STX17: variants seen among roughly 807,000 people sequenced by gnomAD.
STX17 encodes the protein syntaxin-17.
Under a neutral mutation model 35.9 loss-of-function variants are expected in STX17, and 29 were observed. The observed-to-expected ratio is 0.81, with a 90% confidence interval of 0.60 to 1.10. The LOEUF (loss-of-function observed/expected upper bound fraction) is 1.10. Among genes scored for constraint, STX17 ranks in the 50% least tolerant of loss-of-function variants. STX17 has a pLI of 0.00. For missense variants in STX17, 312 were observed against 352.3 expected (o/e 0.89, Z 0.92); for synonymous variants, 92 against 118.3 (o/e 0.78, Z 1.44).
chr9:99,968,876 TGAGG>T lies in STX17; in HGVS notation c.*205_*208del, dbSNP rs1360015777. On this transcript the variant is annotated 3_prime_UTR_variant, in exon 8 of 8. Transcript: ENST00000259400. ...ATGTTAAGAGATTGAGGCCCTGGGC[TGAGG>T]GTATATAATGTATGTCAGGTAAAGT... The T allele has an allele frequency of 2.7e-5, 18 of 655,100 alleles. No homozygotes were observed. The highest frequency in any genetic ancestry group is 4.0e-5 in the Non-Finnish European group (17 of 426,594). The allele number at this position is 655,100 out of a possible 1,614,324, so 40.6% of individuals were successfully genotyped here. A position where few individuals can be genotyped will look rare whatever the true frequency, so the allele number is the denominator to read the frequency against.
At chr9:99,951,676 ATC>A (rs1160381060) in intron 4 of STX17, among the ~76,000 whole-genome samples, 1 of 151,896 alleles carries the variant, frequency 6.6e-6, no homozygotes, top group African/African-American at 2.4e-5. Flanking sequence ...TGTTAGATCT[ATC>A]TTTCAGCCAA....
chr9:99,961,874 G>A (rs1302037225), intron 6 of STX17, among the ~76,000 whole-genome samples: 1 of 152,128 alleles, frequency 6.6e-6, no homozygotes, highest in Non-Finnish European at 1.5e-5. Flanking sequence ...CAAGGATATT[G>A]ATACTTAAAC....
At chr9:99,921,941 AG>A (rs1388417857) in intron 2 of STX17, among the ~76,000 whole-genome samples, 7 of 152,142 alleles carry the variant, frequency 4.6e-5, no homozygotes, top group African/African-American at 1.7e-4. Flanking sequence ...CATTTTCCTC[AG>A]TAAAGAAGGA....
At chr9:99,929,663 C>A (rs892956712) in intron 3 of STX17, 1 of 151,200 alleles carries the variant, frequency 6.6e-6, no homozygotes, top group African/African-American at 2.4e-5. Context: ...TACTTCCCTT[C>A]CCCCATATAA....
intron 3 of STX17, among the ~76,000 whole-genome samples, chr9:99,942,141 A>G (rs1485087072): frequency 1.3e-5 from 2 of 152,198 alleles, no homozygotes; most frequent in Admixed American, 1.3e-4. Context: ...AATATTTAGT[A>G]TTGTCAGACT....
chr9:99,913,586 T>A (rs1271230862), intron 1 of STX17, among the ~76,000 whole-genome samples: 3 of 152,172 alleles, frequency 2.0e-5, no homozygotes, highest in Non-Finnish European at 4.4e-5. Flanking sequence ...AAAAATATAC[T>A]TACTTTAGTT....
intron 2 of STX17, among the ~76,000 whole-genome samples, chr9:99,916,403 ATTT>A (rs1828771133): frequency 9.9e-6 from 1 of 101,260 alleles, no homozygotes; most frequent in Non-Finnish European, 2.2e-5. Context: ...TTATTTATTT[ATTT>A]ATTTATTTAT....
In STX17 at chr9:99,973,451, GAT is replaced by G. The variant is rs1271503962; in HGVS notation, c.*4779_*4780del. On this transcript the variant is annotated 3_prime_UTR_variant, in exon 8 of 8. Coordinates refer to ENST00000259400, the MANE Select transcript of STX17 (RefSeq NM_017919.3). ...AAGATAATTGGACGGGGAATCCTGA[GAT>G]CAGAGTCCTAGTTTGGCTTTGTCTC... Among the ~76,000 whole-genome samples, 1 of 152,194 alleles carries G rather than the reference GAT, an allele frequency of 6.6e-6. No individual in the cohort carries two copies. Among genetic ancestry groups the G allele is most frequent in the Non-Finnish European group, 1.5e-5 (1 of 68,042 alleles).
chr9:99,926,172 T>G (rs1013642118), intron 2 of STX17, among the ~76,000 whole-genome samples: 4 of 152,134 alleles, frequency 2.6e-5, no homozygotes, highest in African/African-American at 9.6e-5. Flanking sequence ...ATTTAATATT[T>G]TAAAATATCT....
rs1829962931 is a variant in STX17, at chr9:99,968,488, A to G, written c.724A>G (p.Met242Val). ...LPVAGALIGG[M>V]VGGPIGLLAG... ...TGTGGCAGGTGCACTCATCGGGGGA[A>G]TGGTAGGGGGTCCTATTGGCCTCCT... Residue 242 changes from methionine (M) to valine (V), a missense_variant, in exon 8 of 8, where the codon ATG (methionine) becomes GTG (valine). Met to Val is a conservative substitution (Grantham distance 21, BLOSUM62 1). Transcript: ENST00000259400. The G allele has an allele frequency of 6.2e-7, 1 of 1,608,048 alleles. No homozygotes were observed. Among genetic ancestry groups the G allele is most frequent in the African/African-American group, 1.3e-5 (1 of 74,670 alleles).
intron 2 of STX17, among the ~76,000 whole-genome samples, chr9:99,925,910 G>A (rs931954481): frequency 1.6e-4 from 24 of 151,800 alleles, no homozygotes; most frequent in African/African-American, 3.6e-4. Context: ...AATCTTTGGC[G>A]TTAAGTTTTT....
At chr9:99,912,231 G>A (rs1466556715) in intron 1 of STX17, among the ~76,000 whole-genome samples, 65 of 147,238 alleles carry the variant, frequency 4.4e-4, no homozygotes, top group Non-Finnish European at 4.4e-4. Context: ...TATCTAAAAA[G>A]AAAAAAAAAA....
At chr9:99,961,382 A>G (rs1829823349) in intron 6 of STX17, among the ~76,000 whole-genome samples, 1 of 152,142 alleles carries the variant, frequency 6.6e-6, no homozygotes, top group Admixed American at 6.5e-5. Flanking sequence ...TTTCTGGGGG[A>G]CTTAACAGAA....
chr9:99,939,551 C>T (rs774591651), intron 3 of STX17, among the ~76,000 whole-genome samples: 13 of 152,150 alleles, frequency 8.5e-5, no homozygotes, highest in Non-Finnish European at 1.8e-4. Context: ...AGATACTTTC[C>T]AATTTTAGAG....
At chr9:99,965,476 C>T (rs535734288) in intron 6 of STX17, among the ~76,000 whole-genome samples, 242 of 152,268 alleles carry the variant, frequency 1.6e-3, no homozygotes, top group Non-Finnish European at 2.8e-3. Flanking sequence ...AACTCATCAA[C>T]ATATGACGGC....
chr9:99,960,517 C>T (rs1829808929), intron 6 of STX17, among the ~76,000 whole-genome samples: 2 of 151,876 alleles, frequency 1.3e-5, no homozygotes, highest in Non-Finnish European at 2.9e-5. Context: ...AGTCTTGGCT[C>T]ACTGCAACCT....
rs558866177 is a variant in STX17, at chr9:99,965,846, C to T, written c.583-1807C>T. ...AATTAGGATAAATTTTTCTATTTTTCCCCCCTCACACTTTGCAAACACATT... is the reference window on the plus strand; with the variant it reads ...AATTAGGATAAATTTTTCTATTTTTTCCCCCTCACACTTTGCAAACACATT... On this transcript the variant is annotated intron_variant, in intron 6 of 7. Transcript: ENST00000259400. 1.1e-3 allele frequency among the ~76,000 whole-genome samples: 161 copies of T among 152,176 alleles called. 2 individuals carry two copies. The highest frequency in any genetic ancestry group is 3.7e-3 in the African/African-American group (155 of 41,532).
chr9:99,925,031 A>T (rs1828960890), intron 2 of STX17, among the ~76,000 whole-genome samples: 2 of 152,086 alleles, frequency 1.3e-5, no homozygotes, highest in South Asian at 4.2e-4. Flanking sequence ...CCGTCTTGCT[A>T]TTTTTGTCTA....
intron 2 of STX17, among the ~76,000 whole-genome samples, chr9:99,923,164 G>A (rs796249491): frequency 2.0e-5 from 3 of 151,618 alleles, no homozygotes; most frequent in Admixed American, 6.6e-5. Flanking sequence ...GAGTATATGG[G>A]CAGGAATATC....
Sources: allele counts gnomAD v4.1 joint callset (sites outside exome capture counted in the v4.1 genomes callset), GRCh38; gene constraint gnomAD v4.1.1; transcripts MANE v1.5; gene names NCBI Gene and HGNC (gene_info 2026-07-23, HGNC 2026-07-21).